SPAG16: variants seen among roughly 807,000 people sequenced by gnomAD.
SPAG16 encodes the protein sperm-associated antigen 16 protein.
SPAG16 carries 86 observed loss-of-function variants against 80.4 expected under a neutral mutation model. That is an observed-to-expected ratio of 1.07 (90% confidence interval 0.90 to 1.28). SPAG16 has a LOEUF of 1.28. Among genes scored for constraint, SPAG16 ranks in the 50% most tolerant of loss-of-function variants. The pLI, the probability that SPAG16 is intolerant of heterozygous loss-of-function variation, is 0.00. For synonymous variants in SPAG16, 294 were observed against 265.9 expected (o/e 1.11, Z -1.03); for missense variants, 870 against 765.3 (o/e 1.14, Z -1.61).
chr2:213,652,484 A>T (rs1372640956), intron 10 of SPAG16, among the ~76,000 whole-genome samples: 1 of 152,112 alleles, frequency 6.6e-6, no homozygotes, highest in African/African-American at 2.4e-5. Context: ...TTCCAGAATT[A>T]TTGTGTCTTT....
intron 10 of SPAG16, among the ~76,000 whole-genome samples, chr2:213,608,930 G>A (rs972568445): frequency 2.0e-5 from 3 of 152,150 alleles, no homozygotes; most frequent in Admixed American, 6.5e-5. Context: ...TGATCTGCCC[G>A]CCTCGGCCTC....
chr2:213,478,650 G>C (rs1368891440), intron 9 of SPAG16, among the ~76,000 whole-genome samples: 4 of 151,986 alleles, frequency 2.6e-5, no homozygotes, highest in African/African-American at 9.7e-5. Flanking sequence ...CCGTATCCCA[G>C]GCATTTAGCC....
At chr2:213,631,344 G>T (rs2062144341) in intron 10 of SPAG16, among the ~76,000 whole-genome samples, 1 of 152,154 alleles carries the variant, frequency 6.6e-6, no homozygotes, top group Non-Finnish European at 1.5e-5. Flanking sequence ...AGTCTAACTT[G>T]CTAAATTAGT....
intron 15 of SPAG16, among the ~76,000 whole-genome samples, chr2:214,155,620 G>A (rs2056179552): frequency 6.6e-6 from 1 of 152,048 alleles, no homozygotes; most frequent in Admixed American, 6.6e-5. Flanking sequence ...AGACAGACAC[G>A]TGACACCATG....
intron 9 of SPAG16, among the ~76,000 whole-genome samples, chr2:213,400,989 T>G (rs2068280136): frequency 6.6e-6 from 1 of 152,048 alleles, no homozygotes; most frequent in Admixed American, 6.6e-5. Context: ...TATATTTTTT[T>G]GTCAAGATAG....
At chr2:213,378,857 C>T (rs1193833456) in intron 9 of SPAG16, among the ~76,000 whole-genome samples, 2 of 152,168 alleles carry the variant, frequency 1.3e-5, no homozygotes, top group African/African-American at 4.8e-5. Flanking sequence ...TCCCAATGAC[C>T]TTAATCACAG....
At chr2:214,110,290 GCCCCCAC>G (rs1234246920) in intron 14 of SPAG16, among the ~76,000 whole-genome samples, 1 of 139,322 alleles carries the variant, frequency 7.2e-6, no homozygotes, top group Non-Finnish European at 1.5e-5. Context: ...CCCTCCCCCA[GCCCCCAC>G]CCCTGACAGG....
At chr2:214,312,536 C>T (rs1384625256) in intron 15 of SPAG16, among the ~76,000 whole-genome samples, 1 of 152,046 alleles carries the variant, frequency 6.6e-6, no homozygotes, top group Non-Finnish European at 1.5e-5. Flanking sequence ...TAGCACATTC[C>T]AGAGCAGATT....
intron 15 of SPAG16, among the ~76,000 whole-genome samples, chr2:214,256,288 T>C (rs2125860135): frequency 6.6e-6 from 1 of 152,072 alleles, no homozygotes; most frequent in Admixed American, 6.6e-5. Context: ...CATTTTTAAT[T>C]GGCTTGTTTG....
rs184887529 is a variant in SPAG16, at chr2:213,472,693, G to A, written c.943-17270G>A. Among the ~76,000 whole-genome samples the A allele has an allele frequency of 2.1e-3, 327 of 152,174 alleles. 2 individuals carry two copies. The highest frequency in any genetic ancestry group is 7.5e-3 in the African/African-American group (310 of 41,522). ...CCAATTATGTGTTCTAGCACTGGAG[G>A]AATAATCACAGGATGCACCACAATT... On this transcript the variant is annotated intron_variant, in intron 9 of 15. Transcript: ENST00000331683.
chr2:213,721,153 G>A (rs1041200923), intron 10 of SPAG16, among the ~76,000 whole-genome samples: 8 of 152,194 alleles, frequency 5.3e-5, no homozygotes, highest in African/African-American at 1.7e-4. Flanking sequence ...CAGGCTGAGT[G>A]CAGTGGCTTG....
intron 1 of SPAG16, among the ~76,000 whole-genome samples, chr2:213,285,145 T>C (rs2062007808): frequency 1.3e-5 from 2 of 152,194 alleles, no homozygotes; most frequent in African/African-American, 2.4e-5. Context: ...AGCATTATCT[T>C]CCTGAGTAGT....
intron 9 of SPAG16, among the ~76,000 whole-genome samples, chr2:213,432,872 A>G (rs970234798): frequency 1.3e-5 from 2 of 152,170 alleles, no homozygotes; most frequent in African/African-American, 2.4e-5. Context: ...AGCTAATCAT[A>G]TCCAAGAGCA....
At chr2:214,259,217 T>G (rs903339970) in intron 15 of SPAG16, among the ~76,000 whole-genome samples, 1 of 151,984 alleles carries the variant, frequency 6.6e-6, no homozygotes, top group African/African-American at 2.4e-5. Flanking sequence ...GGACTAAAAC[T>G]ACAAGTCTGT....
At chr2:213,911,694 C>A (rs2077672811) in intron 11 of SPAG16, among the ~76,000 whole-genome samples, 1 of 151,838 alleles carries the variant, frequency 6.6e-6, no homozygotes, top group Non-Finnish European at 1.5e-5. Context: ...TGATATAAAG[C>A]ACACAAAAAC....
intron 15 of SPAG16, among the ~76,000 whole-genome samples, chr2:214,312,620 GC>G (rs1695410445): frequency 6.6e-6 from 1 of 152,080 alleles, no homozygotes; most frequent in Non-Finnish European, 1.5e-5. Flanking sequence ...AACCTGCTGA[GC>G]TGTGTTGATT....
chr2:213,946,661 T>G (rs553398375), intron 12 of SPAG16, among the ~76,000 whole-genome samples: 12 of 152,360 alleles, frequency 7.9e-5, no homozygotes, highest in African/African-American at 2.9e-4. Flanking sequence ...ACAATATTAT[T>G]AACTCAAGCT....
intron 15 of SPAG16, among the ~76,000 whole-genome samples, chr2:214,269,486 CATT>C (rs1375522764): frequency 2.0e-5 from 3 of 152,046 alleles, no homozygotes; most frequent in African/African-American, 7.2e-5. Context: ...GCTTAAATGA[CATT>C]ATTATTTATT....
intron 15 of SPAG16, among the ~76,000 whole-genome samples, chr2:214,330,535 CAGA>C (rs961705076): frequency 2.0e-4 from 30 of 152,226 alleles, no homozygotes; most frequent in African/African-American, 7.0e-4. Context: ...CAGAATTGTA[CAGA>C]AGGAGAAGTT....
Sources: gnomAD v4.1 joint callset for allele counts (sites outside exome capture counted in the v4.1 genomes callset) on GRCh38, gnomAD v4.1.1 for gene constraint, MANE v1.5 for transcripts, NCBI Gene and HGNC (gene_info 2026-07-23, HGNC 2026-07-21) for gene names.